WDPCP: variants seen among roughly 807,000 people sequenced by gnomAD.
WDPCP encodes WD repeat-containing and planar cell polarity effector protein fritz homolog.
In WDPCP, 71 loss-of-function variants were observed where a neutral mutation model predicts 93.1. The ratio of observed to expected loss-of-function variants is 0.76; its 90% CI spans 0.63 to 0.93. WDPCP has a LOEUF of 0.93. Among genes scored for constraint, WDPCP ranks in the 40% least tolerant of loss-of-function variants. The probability of loss-of-function intolerance (pLI) is 0.00; values close to 1 mark genes in which losing one functional copy is unlikely to be tolerated. For synonymous variants in WDPCP, 315 were observed against 315.0 expected, an observed-to-expected ratio of 1.00 and a Z score of 0.00; for missense variants, 844 against 887.4, an observed-to-expected ratio of 0.95 and a Z score of 0.62.
chr2:63,756,973 A>G (rs1261060836), intron 2 of WDPCP, among the ~76,000 whole-genome samples: 1 of 152,126 alleles, frequency 6.6e-6, no homozygotes, highest in Non-Finnish European at 1.5e-5. Flanking sequence ...TAATTGCAGG[A>G]GGTATGGGAC....
At chr2:63,510,190 C>T (rs1433875435) in intron 1 of WDPCP, among the ~76,000 whole-genome samples, 4 of 152,196 alleles carry the variant, frequency 2.6e-5, no homozygotes, top group African/African-American at 9.7e-5. Context: ...TATACAAATA[C>T]TGGCAAACCG....
At chr2:63,583,459 G>A (rs1275321419) in intron 1 of WDPCP, among the ~76,000 whole-genome samples, 3 of 152,138 alleles carry the variant, frequency 2.0e-5, no homozygotes, top group East Asian at 1.9e-4. Flanking sequence ...CCAGGCGGGC[G>A]GATCAGGAAG....
intron 1 of WDPCP, among the ~76,000 whole-genome samples, chr2:63,562,372 G>T (rs996809016): frequency 6.6e-6 from 1 of 152,118 alleles, no homozygotes; most frequent in African/African-American, 2.4e-5. Context: ...AGAGCCTGTC[G>T]GGGGTTGTGG....
intron 12 of WDPCP, among the ~76,000 whole-genome samples, chr2:63,358,867 T>C (rs763911620): frequency 2.6e-5 from 4 of 152,190 alleles, no homozygotes; most frequent in Admixed American, 6.5e-5. Context: ...CCCCAAAATT[T>C]CTATACAGAC....
chr2:63,568,915 A>AG (rs1707274844), intron 1 of WDPCP, among the ~76,000 whole-genome samples: 1 of 152,264 alleles, frequency 6.6e-6, no homozygotes, highest in South Asian at 2.1e-4. Flanking sequence ...CGGCTAGCAG[A>AG]TATTTAAGAA....
At chr2:63,646,104 A>C (rs1392801469) in intron 3 of WDPCP, among the ~76,000 whole-genome samples, 7 of 151,938 alleles carry the variant, frequency 4.6e-5, no homozygotes, top group Non-Finnish European at 1.0e-4. Flanking sequence ...TCTTCCCTTT[A>C]GTGAAGGTAA....
At chr2:63,563,387 G>A (rs1444059303) in intron 1 of WDPCP, among the ~76,000 whole-genome samples, 3 of 151,684 alleles carry the variant, frequency 2.0e-5, no homozygotes, top group East Asian at 3.9e-4. Context: ...GAAAAAATAC[G>A]GAAGCACTGC....
chr2:63,683,289 A>C (rs189005605), intron 2 of WDPCP, among the ~76,000 whole-genome samples: 1 of 152,284 alleles, frequency 6.6e-6, no homozygotes, highest in Admixed American at 6.5e-5. Flanking sequence ...TTCAATAAAA[A>C]GACATAGGGT....
At chr2:63,582,681 A>T (rs572550446) in intron 1 of WDPCP, among the ~76,000 whole-genome samples, 1 of 152,304 alleles carries the variant, frequency 6.6e-6, no homozygotes, top group Admixed American at 6.5e-5. Flanking sequence ...GCCAGAGAAA[A>T]ACAGACACTT....
At chr2:63,375,111 A>G (rs1476292466) in intron 12 of WDPCP, among the ~76,000 whole-genome samples, 1 of 152,110 alleles carries the variant, frequency 6.6e-6, no homozygotes, top group Admixed American at 6.6e-5. Context: ...TCTTTATAAT[A>G]CATTATATTT....
At chr2:63,341,332 T>C (rs900507718) in intron 12 of WDPCP, among the ~76,000 whole-genome samples, 1 of 152,228 alleles carries the variant, frequency 6.6e-6, no homozygotes, top group African/African-American at 2.4e-5. Context: ...TTTCACCATA[T>C]TGGCCAGGCT....
intron 2 of WDPCP, among the ~76,000 whole-genome samples, chr2:63,730,915 T>C (rs955141487): frequency 2.0e-5 from 3 of 150,696 alleles, no homozygotes; most frequent in African/African-American, 7.3e-5. Flanking sequence ...TTCAATGATA[T>C]ATGGGAGAAA....
intron 10 of WDPCP, among the ~76,000 whole-genome samples, chr2:63,402,083 T>C (rs999083670): frequency 6.6e-6 from 1 of 151,968 alleles, no homozygotes; most frequent in Non-Finnish European, 1.5e-5. Flanking sequence ...CCATCAATAA[T>C]AGACTGAATA....
intron 1 of WDPCP, among the ~76,000 whole-genome samples, chr2:63,815,124 A>G (rs1670916667): frequency 6.6e-6 from 1 of 152,198 alleles, no homozygotes; most frequent in South Asian, 2.1e-4. Context: ...AACCATTTAC[A>G]AGACCATGTT....
At chr2:63,473,821 A>C (rs541710801) in intron 6 of WDPCP, among the ~76,000 whole-genome samples, 1 of 152,168 alleles carries the variant, frequency 6.6e-6, no homozygotes, top group Non-Finnish European at 1.5e-5. Context: ...TGTGTGTTCC[A>C]TATCTTACTG....
Position 63,331,572 on chromosome 2 carries a change from G to T in WDPCP, c.1749-18261C>A, listed in dbSNP as rs940929482. On this transcript the variant is annotated intron_variant, in intron 12 of 17. Transcript: ENST00000272321. ...TTCACCACTTTAAACAGTGCAAGGG[G>T]TTTAGATGAATGTATAGTTATGTTA... 1.1e-4 allele frequency among the ~76,000 whole-genome samples: 17 copies of T among 152,250 alleles called. No homozygotes were observed. In the South Asian group the frequency reaches 2.7e-3, roughly 24 times the overall value.
intron 1 of WDPCP, among the ~76,000 whole-genome samples, chr2:63,575,458 A>T (rs796329131): frequency 0.092 from 3,436 of 37,528 alleles, 731 homozygotes; most frequent in Non-Finnish European, 0.1. Context: ...CTGTATATAC[A>T]GTATATATGC....
At chr2:63,768,783 T>A (rs1451348364) in intron 2 of WDPCP, among the ~76,000 whole-genome samples, 2 of 151,992 alleles carry the variant, frequency 1.3e-5, no homozygotes, top group African/African-American at 4.8e-5. Flanking sequence ...TGAAAGGCTA[T>A]CATACAGGAG....
chr2:63,798,432 G>A (rs968913266), intron 2 of WDPCP, among the ~76,000 whole-genome samples: 13 of 152,150 alleles, frequency 8.5e-5, no homozygotes, highest in Admixed American at 1.3e-4. Context: ...AAGAAGTTAA[G>A]GCATAGTCTT....
Sources: allele counts gnomAD v4.1 joint callset (sites outside exome capture counted in the v4.1 genomes callset), GRCh38; gene constraint gnomAD v4.1.1; transcripts MANE v1.5; gene names NCBI Gene and HGNC (gene_info 2026-07-23, HGNC 2026-07-21).